Variants in HHIPL1 observed in about 807,000 individuals in gnomAD.
HHIPL1 encodes HHIP like 1, also known as HHIP-like protein 1.
HHIPL1 carries 43 observed loss-of-function variants against 61.8 expected under a neutral mutation model. The ratio of observed to expected loss-of-function variants is 0.70; its 90% CI spans 0.55 to 0.90. The LOEUF (loss-of-function observed/expected upper bound fraction) is 0.90, where lower values mean the gene tolerates loss of function less well. HHIPL1 is among the 40% of genes least tolerant of loss of function. The pLI is 0.00. For missense variants in HHIPL1, 1,056 were observed against 1,157.7 expected, an observed-to-expected ratio of 0.91 and a Z score of 1.28; for synonymous variants, 482 against 515.8, an observed-to-expected ratio of 0.93 and a Z score of 0.89.
chr14:99,645,297 C>CCGGCCGACG lies in HHIPL1; in HGVS notation c.92_100dup (p.Arg31_Thr33dup). On this transcript the variant is annotated inframe_insertion, in exon 1 of 9. Coordinates refer to ENST00000330710, the MANE Select transcript of HHIPL1 (RefSeq NM_001127258.3). ...AGTGCCTGGACTTCAGGCCGCCCTT[C>CCGGCCGACG]CGGCCGACGCAGCCGCTGCGCCTCT... The CCGGCCGACG allele has an allele frequency of 6.9e-7, 1 of 1,449,982 alleles. No individual in the cohort carries two copies. The highest frequency in any genetic ancestry group is 1.4e-5 in the South Asian group (1 of 73,976). 89.8% of individuals were successfully genotyped at this position (1,449,982 alleles called of 1,614,324 possible). A position where few individuals can be genotyped will look rare whatever the true frequency, so the allele number is the denominator to read the frequency against.
At chr14:99,670,804 T>C (rs1958321) in intron 7 of HHIPL1, among the ~76,000 whole-genome samples, 44,939 of 152,142 alleles carry the variant, frequency 0.3, 8,207 homozygotes, top group Non-Finnish European at 0.39. Flanking sequence ...TTCTAATGGC[T>C]GCTTGATTTT....
Position 99,645,394 on chromosome 14 carries a change from C to G in HHIPL1, c.187C>G (p.Leu63Val). ...DAELTRRFWA[L>V]ASRVDAAEWA... ...CGAGCTGACCCGCCGCTTCTGGGCC[C>G]TGGCGAGCCGCGTGGACGCCGCCGA... is the stretch of plus-strand genomic sequence containing the variant. The change falls in exon 1 of 9, where the codon CTG becomes GTG. Residue 63 changes from leucine (L) to valine (V), a missense_variant. Coordinates refer to ENST00000330710, the MANE Select transcript of HHIPL1 (RefSeq NM_001127258.3). 7.0e-7 allele frequency: 1 copy of G among 1,424,738 alleles called. No homozygotes were observed. The highest frequency in any genetic ancestry group is 9.2e-7 in the Non-Finnish European group (1 of 1,091,730). 88.3% of individuals were successfully genotyped at this position (1,424,738 alleles called of 1,614,324 possible).
chr14:99,624,334 G>A, the HHIPL1 span, among the ~76,000 whole-genome samples: 2 of 152,166 alleles, frequency 1.3e-5, no homozygotes, highest in South Asian at 2.1e-4. Flanking sequence ...GTCTCATCTC[G>A]GGTGTGTCTT....
In HHIPL1 at chr14:99,661,652, G is replaced by C. The variant is rs768910759; in HGVS notation, c.1503-1224G>C. On this transcript the variant is annotated intron_variant, in intron 5 of 8. Transcript: ENST00000330710. ...TTGGCTAATTTTTGCATTTTTTGTAGAGATGGGGTTTTGCTCCATTGCCCA... is the reference window on the plus strand; with the variant it reads ...TTGGCTAATTTTTGCATTTTTTGTACAGATGGGGTTTTGCTCCATTGCCCA... Among the ~76,000 whole-genome samples the C allele has an allele frequency of 2.1e-4, 32 of 152,140 alleles. 1 individual carries two copies. The highest frequency in any genetic ancestry group is 4.1e-4 in the South Asian group (2 of 4,830).
At chr14:99,648,810 T>C (rs11629115) in intron 1 of HHIPL1, among the ~76,000 whole-genome samples, 108,762 of 152,038 alleles carry the variant, frequency 0.72, 39,349 homozygotes, top group Admixed American at 0.79. Context: ...AAATATCCGA[T>C]GGACAGGACA....
the HHIPL1 span, among the ~76,000 whole-genome samples, chr14:99,605,422 A>T: frequency 6.6e-6 from 1 of 151,494 alleles, no homozygotes; most frequent in African/African-American, 2.4e-5. Flanking sequence ...CTGCAACGAG[A>T]TCAAATCCGC....
upstream of HHIPL1, chr14:99,645,072 C>G (rs71422782): frequency 0.13 from 97,847 of 751,056 alleles, 7,289 homozygotes; most frequent in East Asian, 0.27. Flanking sequence ...AGGTGACCTC[C>G]TAGAAGGGGA....
At chr14:99,649,966 G>A (rs2055899798) in intron 1 of HHIPL1, among the ~76,000 whole-genome samples, 1 of 152,228 alleles carries the variant, frequency 6.6e-6, no homozygotes, top group South Asian at 2.1e-4. Context: ...CTGAGGCCTG[G>A]CCATCTGGCC....
rs529515405 is a variant in HHIPL1, at chr14:99,669,342, C to T, written c.1730+1039C>T. On this transcript the variant is annotated intron_variant, in intron 7 of 8. Coordinates refer to ENST00000330710, the MANE Select transcript of HHIPL1 (RefSeq NM_001127258.3). ...TTCCACAGCAGTCTGAACGTCTCTTCAACACTGGGTACGGACACAGCTTGT... is the reference window on the plus strand; with the variant it reads ...TTCCACAGCAGTCTGAACGTCTCTTTAACACTGGGTACGGACACAGCTTGT... 47 of 1,010,196 alleles carry T rather than the reference C, an allele frequency of 4.7e-5. No individual in the cohort carries two copies. In the African/African-American group the frequency reaches 6.8e-4, roughly 15 times the overall value. 62.6% of individuals were successfully genotyped at this position (1,010,196 alleles called of 1,614,324 possible).
At chr14:99,662,281 G>A (rs975856986) in intron 5 of HHIPL1, among the ~76,000 whole-genome samples, 5 of 152,158 alleles carry the variant, frequency 3.3e-5, no homozygotes, top group Non-Finnish European at 5.9e-5. Flanking sequence ...CTTCACAGAG[G>A]AGGGGACATC....
rs139705510 is a variant in HHIPL1 at position 99,657,188 on chromosome 14, C to T, written c.1046+45C>T. 6.1e-4 allele frequency: 977 copies of T among 1,599,552 alleles called. 20 individuals carry two copies. The East Asian group carries it at 0.022, about 36-fold the overall frequency. On this transcript the variant is annotated intron_variant, in intron 3 of 8. Transcript: ENST00000330710. ...GGCTTGTGGGTTGGTCTCCATATCC[C>T]TGGGCTTCTCATACTCTTCCAGAGG...
In HHIPL1 at chr14:99,680,509, C is replaced by A. The variant is rs1051266697; in HGVS notation, c.*4883C>A. 6.6e-5 allele frequency: 10 copies of A among 151,852 alleles called. No individual in the cohort carries two copies. Among genetic ancestry groups the A allele is most frequent in the Non-Finnish European group, 1.0e-4 (7 of 68,010 alleles). 9.4% of individuals were successfully genotyped at this position (151,852 alleles called of 1,614,324 possible). A position where few individuals can be genotyped will look rare whatever the true frequency, so the allele number is the denominator to read the frequency against. On this transcript the variant is annotated 3_prime_UTR_variant, in exon 9 of 9. Coordinates refer to ENST00000330710, the MANE Select transcript of HHIPL1 (RefSeq NM_001127258.3). ...TATCCAATAGAAACATAATGTGAGC[C>A]AAATAGGTAATTTAAAATCTGCTTG...
In HHIPL1 at chr14:99,675,507, C is replaced by T. The variant is rs1464326387; in HGVS notation, c.2230C>T (p.Arg744Cys). Residue 744 changes from arginine to cysteine, a missense_variant, in exon 9 of 9, where the codon CGC becomes TGC. By Grantham distance (180) the Arg-to-Cys change is radical. Coordinates refer to ENST00000330710, the MANE Select transcript of HHIPL1 (RefSeq NM_001127258.3). This position sits in a 1 kb window ranked among gnomAD's most constrained non-coding sequence, Gnocchi z 5.4. ...GCTGCCCATTCTGCTGGACGATGTG[C>T]GCTGCGCGGGCTGGGAGCGGAACCT... ...GSLPILLDDV[R>C]CAGWERNLLE... The T allele has an allele frequency of 8.4e-6, 13 of 1,542,988 alleles. No homozygotes were observed. Among genetic ancestry groups the T allele is most frequent in the Non-Finnish European group, 1.1e-5 (13 of 1,146,536 alleles).
chr14:99,637,268 A>G, the HHIPL1 span, among the ~76,000 whole-genome samples: 7 of 142,608 alleles, frequency 4.9e-5, no homozygotes, highest in East Asian at 1.5e-3. Context: ...AAGAAAGAAA[A>G]AGTGTGGCAA....
chr14:99,640,770 A>G (rs2055739610), upstream of HHIPL1, among the ~76,000 whole-genome samples: 1 of 150,268 alleles, frequency 6.7e-6, no homozygotes, highest in Non-Finnish European at 1.5e-5. Context: ...CTCTTATGAC[A>G]TTGCTGTCAT....
chr14:99,667,183 C>G (rs2056259508), intron 6 of HHIPL1, among the ~76,000 whole-genome samples: 1 of 152,188 alleles, frequency 6.6e-6, no homozygotes, highest in South Asian at 2.1e-4. Flanking sequence ...CCATGTGTGC[C>G]TTGTGTCTGG....
chr14:99,605,646 T>C, the HHIPL1 span, among the ~76,000 whole-genome samples: 1 of 152,234 alleles, frequency 6.6e-6, no homozygotes, highest in Non-Finnish European at 1.5e-5. Context: ...ATAGACGAGC[T>C]AGATCAGGAT....
At chr14:99,623,500 T>C in the HHIPL1 span, among the ~76,000 whole-genome samples, 3 of 152,086 alleles carry the variant, frequency 2.0e-5, no homozygotes, top group African/African-American at 7.2e-5. Context: ...TGTAGTAGCC[T>C]CAACTTCCTG....
intron 2 of HHIPL1, among the ~76,000 whole-genome samples, chr14:99,656,786 GAAA>G (rs57705878): frequency 2.4e-5 from 1 of 41,324 alleles, no homozygotes. Context: ...AAAAAGAAAA[GAAA>G]AGAAAGAAAG....
Sources: allele counts gnomAD v4.1 joint callset (sites outside exome capture counted in the v4.1 genomes callset), GRCh38; gene constraint gnomAD v4.1.1; non-coding constraint Gnocchi (gnomAD v3.1); transcripts MANE v1.5; gene names NCBI Gene and HGNC (gene_info 2026-07-23, HGNC 2026-07-21).